AUH: variants seen among roughly 807,000 people sequenced by gnomAD.
AUH encodes AU RNA binding methylglutaconyl-CoA hydratase.
Under a neutral mutation model 42.3 loss-of-function variants are expected in AUH, and 29 were observed. The ratio of observed to expected loss-of-function variants is 0.69; its 90% confidence interval spans 0.51 to 0.93. The LOEUF (loss-of-function observed/expected upper bound fraction) is 0.93, where lower values mean the gene tolerates loss of function less well. Among genes scored for constraint, AUH ranks in the 40% least tolerant of loss-of-function variants. The pLI is 0.00. For missense variants in AUH, 452 were observed against 438.1 expected, an observed-to-expected ratio of 1.03 and a Z score of -0.28; for synonymous variants, 174 against 166.4, an observed-to-expected ratio of 1.05 and a Z score of -0.35.
chr9:91,312,845 C>T (rs939463286), intron 4 of AUH, among the ~76,000 whole-genome samples: 2 of 152,180 alleles, frequency 1.3e-5, no homozygotes, highest in Non-Finnish European at 2.9e-5. Flanking sequence ...GTATAGGAAG[C>T]AGGCCCGTAA....
At chr9:91,336,449 G>A (rs775184958) in intron 3 of AUH, among the ~76,000 whole-genome samples, 35 of 151,968 alleles carry the variant, frequency 2.3e-4, no homozygotes, top group Non-Finnish European at 4.3e-4. Flanking sequence ...GGCTAACATG[G>A]CAAAACCCTG....
chr9:91,220,739 GT>G (rs1271986086), intron 7 of AUH, 65 bp downstream of exon 7: 2 of 1,570,712 alleles, frequency 1.3e-6, no homozygotes, highest in African/African-American at 2.7e-5. Flanking sequence ...GATGACTGCT[GT>G]TTTAGTCAAA....
In AUH at chr9:91,287,030, T is replaced by C. The variant is rs141682999; in HGVS notation, c.655+8991A>G. On this transcript the variant is annotated intron_variant, in intron 6 of 9. Coordinates refer to ENST00000375731, the MANE Select transcript of AUH (RefSeq NM_001698.3). Reference sequence around the variant, plus strand: ...ACTTCACAATGTGTGTGTGTAGATATATATAAAAACACTCTACATAGAATT... The same window carrying C: ...ACTTCACAATGTGTGTGTGTAGATACATATAAAAACACTCTACATAGAATT... 4.2e-3 allele frequency among the ~76,000 whole-genome samples: 643 copies of C among 152,222 alleles called. 6 individuals carry two copies. Among genetic ancestry groups the C allele is most frequent in the African/African-American group, 0.015 (609 of 41,550 alleles).
chr9:91,335,047 C>G (rs1284026275), intron 3 of AUH, among the ~76,000 whole-genome samples: 1 of 152,180 alleles, frequency 6.6e-6, no homozygotes, highest in Non-Finnish European at 1.5e-5. Flanking sequence ...TCCCGCTGCT[C>G]TTACGTGGTG....
At chr9:91,360,921 A>T (rs1832797863) in intron 1 of AUH, among the ~76,000 whole-genome samples, 1 of 152,192 alleles carries the variant, frequency 6.6e-6, no homozygotes, top group African/African-American at 2.4e-5. Context: ...CTGCACTGCC[A>T]GTGAAAGGAA....
At chr9:91,227,757 C>A (rs1827601668) in intron 6 of AUH, among the ~76,000 whole-genome samples, 2 of 152,154 alleles carry the variant, frequency 1.3e-5, no homozygotes, top group African/African-American at 2.4e-5. Flanking sequence ...GAGCTTTTAG[C>A]ATGAAGCATT....
chr9:91,275,886 C>T (rs1825501459), intron 6 of AUH, among the ~76,000 whole-genome samples: 1 of 152,170 alleles, frequency 6.6e-6, no homozygotes, highest in Non-Finnish European at 1.5e-5. Context: ...TCAAATCTCA[C>T]ATCATGGAGA....
intron 6 of AUH, among the ~76,000 whole-genome samples, chr9:91,278,223 T>C (rs1486675143): frequency 6.6e-6 from 1 of 152,132 alleles, no homozygotes; most frequent in Non-Finnish European, 1.5e-5. Flanking sequence ...AGTCACAAAG[T>C]CCTACTTTAA....
At chr9:91,218,915 C>G in intron 7 of AUH, 2 of 985,254 alleles carry the variant, frequency 2.0e-6, no homozygotes, top group Non-Finnish European at 2.4e-6. Flanking sequence ...TCTGAAGTAA[C>G]TCAACATCTT....
At chr9:91,224,597 G>C (rs1827329399) in intron 6 of AUH, among the ~76,000 whole-genome samples, 1 of 152,044 alleles carries the variant, frequency 6.6e-6, no homozygotes, top group African/African-American at 2.4e-5. Context: ...TTATGCTATG[G>C]TCTTTGATCA....
chr9:91,350,661 A>G (rs1167469883), intron 3 of AUH, among the ~76,000 whole-genome samples: 1 of 151,948 alleles, frequency 6.6e-6, no homozygotes, highest in Non-Finnish European at 1.5e-5. Flanking sequence ...CGGGAGGCTG[A>G]GGCAGGAGAA....
Position 91,288,471 on chromosome 9 carries a change from C to T in AUH, c.655+7550G>A, listed in dbSNP as rs1473521841. 1.5e-4 allele frequency among the ~76,000 whole-genome samples: 23 copies of T among 152,068 alleles called. 1 individual carries two copies. The highest frequency in any genetic ancestry group is 1.2e-4 in the Non-Finnish European group (8 of 67,976). ...GACGAAACTAGGGCTATATATTGTA[C>T]AAAAATCCCCAATAAAATTACGACA... is the stretch of plus-strand genomic sequence containing the variant. On this transcript the variant is annotated intron_variant, in intron 6 of 9. Coordinates refer to ENST00000375731, the MANE Select transcript of AUH (RefSeq NM_001698.3).
At chr9:91,350,173 A>C (rs932445715) in intron 3 of AUH, among the ~76,000 whole-genome samples, 8 of 152,254 alleles carry the variant, frequency 5.3e-5, no homozygotes, top group African/African-American at 1.9e-4. Flanking sequence ...CATCCATTTT[A>C]ATACATTACT....
At chr9:91,302,772 A>G (rs980645101) in intron 4 of AUH, among the ~76,000 whole-genome samples, 9 of 152,244 alleles carry the variant, frequency 5.9e-5, no homozygotes, top group South Asian at 2.1e-4. Flanking sequence ...CTGTCTCAAA[A>G]AAAAGGAAAA....
chr9:91,226,685 G>A (rs1827509327), intron 6 of AUH, among the ~76,000 whole-genome samples: 2 of 121,128 alleles, frequency 1.7e-5, no homozygotes, highest in South Asian at 3.3e-4. Flanking sequence ...ATGGTTTTAG[G>A]TCTAACGTTT....
chr9:91,358,043 CAACAGAT>C (rs1832568257), intron 1 of AUH, among the ~76,000 whole-genome samples: 2 of 152,126 alleles, frequency 1.3e-5, no homozygotes, highest in South Asian at 4.1e-4. Context: ...CGAGTCCAAT[CAACAGAT>C]AACAGGTTTG....
intron 3 of AUH, among the ~76,000 whole-genome samples, chr9:91,335,205 T>C (rs140413886): frequency 6.6e-6 from 1 of 152,376 alleles, no homozygotes; most frequent in African/African-American, 2.4e-5. Context: ...TGTGGCCCGG[T>C]GCTTTCTGTG....
intron 4 of AUH, among the ~76,000 whole-genome samples, chr9:91,303,048 T>C (rs1827929158): frequency 6.6e-6 from 1 of 152,094 alleles, no homozygotes; most frequent in South Asian, 2.1e-4. Context: ...AAGAAGATAA[T>C]AATCCTTTGA....
At chr9:91,356,452 A>C (rs1344129846) in intron 1 of AUH, among the ~76,000 whole-genome samples, 1 of 152,224 alleles carries the variant, frequency 6.6e-6, no homozygotes, top group Non-Finnish European at 1.5e-5. Flanking sequence ...AGTAACCGCT[A>C]ATAAACCTTG....
Sources: gnomAD v4.1 joint callset for allele counts (sites outside exome capture counted in the v4.1 genomes callset) on GRCh38, gnomAD v4.1.1 for gene constraint, MANE v1.5 for transcripts, NCBI Gene and HGNC (gene_info 2026-07-23, HGNC 2026-07-21) for gene names.